LRP12: variants seen among roughly 807,000 people sequenced by gnomAD.
LRP12 encodes the protein low-density lipoprotein receptor-related protein 12.
LRP12 carries 14 observed loss-of-function variants against 66.0 expected under a neutral mutation model. That is an observed-to-expected ratio of 0.21 (90% CI 0.14 to 0.33). The LOEUF is 0.33. LRP12 is among the 10% of genes least tolerant of loss of function. The probability of loss-of-function intolerance (pLI) is 1.00; values close to 1 mark genes in which losing one functional copy is unlikely to be tolerated. For synonymous variants in LRP12, 357 were observed against 359.1 expected (o/e 0.99, Z 0.07); for missense variants, 889 against 1,053.4 (o/e 0.84, Z 2.16).
intron 1 of LRP12, among the ~76,000 whole-genome samples, chr8:104,540,978 C>T (rs1183432780): frequency 1.3e-5 from 2 of 152,232 alleles, no homozygotes; most frequent in Middle Eastern, 3.4e-3. Context: ...ATGATCCACC[C>T]GCCTCAGCCT....
chr8:104,565,633 G>C (rs1327283324), intron 1 of LRP12, among the ~76,000 whole-genome samples: 3 of 152,106 alleles, frequency 2.0e-5, no homozygotes, highest in Non-Finnish European at 4.4e-5. Context: ...GCCAAGGCGG[G>C]TGGATCAACG....
chr8:104,493,492 C>CT (rs1484314491), intron 6 of LRP12, among the ~76,000 whole-genome samples: 1 of 151,996 alleles, frequency 6.6e-6, no homozygotes, highest in African/African-American at 2.4e-5. Context: ...AGCCTCTGTC[C>CT]TTGGCTTTTG....
rs1318626746 is a variant in LRP12, at chr8:104,491,069, A to C, written c.2184T>G (p.Ser728Arg). Residue 728 changes from serine to arginine, a missense_variant, in exon 7 of 7, where the codon AGT (serine) becomes AGG (arginine). Coordinates refer to ENST00000276654, the MANE Select transcript of LRP12 (RefSeq NM_013437.5). The part of the protein sequence containing the change: ...SVSPARHQLT[S>R]ALSRMTQGLR... The stretch of plus-strand genomic sequence containing the variant: ...GCCCCTGAGTCATACGACTGAGTGC[A>C]CTTGTAAGCTGGTGACGTGCTGGAC... 1 of 1,614,186 alleles carries C rather than the reference A, an allele frequency of 6.2e-7. No individual in the cohort carries two copies. The highest frequency in any genetic ancestry group is 8.5e-7 in the Non-Finnish European group (1 of 1,180,028).
intron 2 of LRP12, among the ~76,000 whole-genome samples, chr8:104,522,792 T>C (rs1564135122): frequency 6.6e-6 from 1 of 152,152 alleles, no homozygotes; most frequent in Non-Finnish European, 1.5e-5. Flanking sequence ...TCTCATTCTC[T>C]TATTCTTTGC....
intron 6 of LRP12, among the ~76,000 whole-genome samples, chr8:104,491,904 G>A (rs2140826343): frequency 6.6e-6 from 1 of 151,154 alleles, no homozygotes; most frequent in Non-Finnish European, 1.5e-5. Flanking sequence ...TCTGTAACTA[G>A]GAACATAGGA....
chr8:104,565,332 T>C (rs1295538114), intron 1 of LRP12, among the ~76,000 whole-genome samples: 1 of 152,134 alleles, frequency 6.6e-6, no homozygotes, highest in Non-Finnish European at 1.5e-5. Flanking sequence ...CACAGACACA[T>C]ACTTGTGAAA....
At chr8:104,583,750 TTTCAATGTTC>T (rs1812290101) in intron 1 of LRP12, among the ~76,000 whole-genome samples, 2 of 152,194 alleles carry the variant, frequency 1.3e-5, no homozygotes, top group Admixed American at 1.3e-4. Context: ...TATTTCTGTG[TTTCAATGTTC>T]TCTTCCATAA....
chr8:104,528,885 T>C lies in LRP12; in HGVS notation c.136+3022A>G, dbSNP rs141615972. Among the ~76,000 whole-genome samples the C allele has an allele frequency of 6.5e-3, 994 of 152,340 alleles. 11 individuals carry two copies. The highest frequency in any genetic ancestry group is 0.022 in the African/African-American group (918 of 41,578). ...TAATATAATTGGAATAGATTTCATGTATTATTCTTCTCATTCTGTTAGAAA... is the reference window on the plus strand; with the variant it reads ...TAATATAATTGGAATAGATTTCATGCATTATTCTTCTCATTCTGTTAGAAA... On this transcript the variant is annotated intron_variant, in intron 2 of 6. Transcript: ENST00000276654.
At chr8:104,545,854 AT>A (rs1811548150) in intron 1 of LRP12, among the ~76,000 whole-genome samples, 1 of 152,160 alleles carries the variant, frequency 6.6e-6, no homozygotes, top group Non-Finnish European at 1.5e-5. Flanking sequence ...TATGCTTCTA[AT>A]TTTTCTTCTT....
chr8:104,521,816 C>T (rs962628879), intron 2 of LRP12, among the ~76,000 whole-genome samples: 19 of 151,838 alleles, frequency 1.3e-4, no homozygotes, highest in African/African-American at 4.6e-4. Context: ...ATTTTTATAA[C>T]ACTGGTCAAA....
chr8:104,574,138 G>T (rs909699507), intron 1 of LRP12, among the ~76,000 whole-genome samples: 1 of 152,088 alleles, frequency 6.6e-6, no homozygotes, highest in Non-Finnish European at 1.5e-5. Flanking sequence ...CTAAGACAAT[G>T]CCACTATTCT....
At chr8:104,548,675 G>C (rs957147778) in intron 1 of LRP12, among the ~76,000 whole-genome samples, 1 of 74,056 alleles carries the variant, frequency 1.4e-5, no homozygotes, top group South Asian at 3.5e-4. Flanking sequence ...ATTAATATGG[G>C]TGCAGTGGCT....
chr8:104,513,537 T>C (rs187728631), intron 2 of LRP12, among the ~76,000 whole-genome samples: 11 of 152,284 alleles, frequency 7.2e-5, no homozygotes. Context: ...ACAGAAACCA[T>C]GCTAGCAGGA....
At chr8:104,562,678 T>C (rs1325097979) in intron 1 of LRP12, among the ~76,000 whole-genome samples, 2 of 152,200 alleles carry the variant, frequency 1.3e-5, no homozygotes, top group African/African-American at 4.8e-5. Context: ...ATCTTTGTTC[T>C]AATTTTATTA....
intron 3 of LRP12, chr8:104,507,113 T>C (rs1377804712): frequency 6.6e-6 from 1 of 152,202 alleles, no homozygotes; most frequent in Non-Finnish European, 1.5e-5. Context: ...CATTTAATTA[T>C]GCATATGATT....
At chr8:104,561,142 AC>A (rs1811901149) in intron 1 of LRP12, among the ~76,000 whole-genome samples, 1 of 152,210 alleles carries the variant, frequency 6.6e-6, no homozygotes, top group South Asian at 2.1e-4. Context: ...TGTTTAAAAA[AC>A]AAAACAAAAC....
intron 1 of LRP12, among the ~76,000 whole-genome samples, chr8:104,547,564 TTAA>T (rs1420131799): frequency 8.7e-5 from 11 of 126,118 alleles, no homozygotes; most frequent in African/African-American, 2.4e-4. Flanking sequence ...ATATTATATA[TTAA>T]TAATTATTAT....
chr8:104,497,668 C>A lies in LRP12; in HGVS notation c.884G>T (p.Arg295Leu), dbSNP rs147385420. The change falls in exon 5 of 7, where the codon CGT (arginine) becomes CTT (leucine). Residue 295 changes from arginine (R) to leucine (L), a missense_variant. Physicochemically the swap from Arg to Leu is moderately radical, Grantham distance 102. Around this residue, in one of 3 missense-constraint regions of LRP12, gnomAD observed 800 missense variants for 964.5 expected, o/e 0.83. Coordinates refer to ENST00000276654, the MANE Select transcript of LRP12 (RefSeq NM_013437.5). The surrounding 1 kb of genome is among the most constrained non-coding windows in gnomAD (Gnocchi z 4.3). ...GTCAGTGAAGCGTAAAATGACTTTA[C>A]GGTGATCACCAGTGTCTATTAACCA... is the stretch of plus-strand genomic sequence containing the variant. Reference protein sequence around the residue: ...CTWLIDTGDHRKVILRFTDFK... With the variant: ...CTWLIDTGDHLKVILRFTDFK... The A allele has an allele frequency of 1.9e-6, 3 of 1,613,928 alleles. No individual in the cohort carries two copies. Among genetic ancestry groups the A allele is most frequent in the Non-Finnish European group, 2.5e-6 (3 of 1,179,980 alleles).
At chr8:104,566,134 A>C in intron 1 of LRP12, 1 of 414,240 alleles carries the variant, frequency 2.4e-6, no homozygotes, top group Admixed American at 4.0e-5. Flanking sequence ...GGCTATATGC[A>C]AGAGTCCATA....
Sources: gnomAD v4.1 joint callset for allele counts (sites outside exome capture counted in the v4.1 genomes callset) on GRCh38, gnomAD v4.1.1 for gene constraint, gnomAD v4.1.1 regional missense constraint, Gnocchi (gnomAD v3.1) non-coding constraint, MANE v1.5 for transcripts, NCBI Gene and HGNC (gene_info 2026-07-23, HGNC 2026-07-21) for gene names.